The following MAPK8 variants were observed in gnomAD, a reference collection of about 807,000 sequenced individuals.
The protein encoded by MAPK8 is mitogen-activated protein kinase 8.
In MAPK8, 13 loss-of-function variants were observed where a neutral mutation model predicts 52.9. The ratio of observed to expected loss-of-function variants is 0.25; its 90% CI spans 0.16 to 0.39. The LOEUF is 0.39. Ranked by LOEUF, MAPK8 falls within the 10% of genes least tolerant of loss-of-function variation. The pLI is 1.00. For synonymous variants in MAPK8, 191 were observed against 169.8 expected, an observed-to-expected ratio of 1.12 and a Z score of -0.97; for missense variants, 300 against 519.2, an observed-to-expected ratio of 0.58 and a Z score of 4.10.
At chr10:48,422,018 T>C (rs1049393944) in intron 6 of MAPK8, among the ~76,000 whole-genome samples, 6 of 146,778 alleles carry the variant, frequency 4.1e-5, no homozygotes, top group Admixed American at 3.4e-4. Context: ...TATTTATTTA[T>C]TTATTTATTT....
chr10:48,325,063 C>A (rs1479629416), intron 1 of MAPK8, among the ~76,000 whole-genome samples: 1 of 152,044 alleles, frequency 6.6e-6, no homozygotes, highest in Non-Finnish European at 1.5e-5. Context: ...GCAACCTCCA[C>A]CTCCTGGGTT....
chr10:48,410,976 TTGTC>T lies in MAPK8; in HGVS notation c.450+810_450+813del, dbSNP rs569477973. Among the ~76,000 whole-genome samples the T allele has an allele frequency of 9.2e-5, 14 of 152,324 alleles. No homozygotes were observed. In the South Asian group the frequency reaches 2.9e-3, roughly 32 times the overall value. ...TTTGCTCATTTTTAAATTGGGTTGT[TTGTC>T]TTTTTGTTGTTGTTTTAGCATTTCT... is the stretch of plus-strand genomic sequence containing the variant. On this transcript the variant is annotated intron_variant, in intron 5 of 11. Transcript: ENST00000374189.
chr10:48,394,878 A>G (rs969806981), intron 1 of MAPK8, among the ~76,000 whole-genome samples: 6 of 151,948 alleles, frequency 3.9e-5, no homozygotes, highest in South Asian at 2.1e-4. Flanking sequence ...AATTCATTGC[A>G]TTTCTACATA....
intron 1 of MAPK8, among the ~76,000 whole-genome samples, chr10:48,357,035 T>A (rs1218475584): frequency 6.6e-6 from 1 of 152,052 alleles, no homozygotes; most frequent in African/African-American, 2.4e-5. Context: ...AACACTTCGA[T>A]GGGAAAATAC....
intron 1 of MAPK8, among the ~76,000 whole-genome samples, chr10:48,388,982 G>T (rs1044343991): frequency 6.6e-6 from 1 of 152,046 alleles, no homozygotes; most frequent in Non-Finnish European, 1.5e-5. Context: ...TTTTTGGGGG[G>T]AAAGGAGGAA....
chr10:48,333,957 C>T (rs1238961269), intron 1 of MAPK8, among the ~76,000 whole-genome samples: 2 of 152,176 alleles, frequency 1.3e-5, no homozygotes, highest in African/African-American at 2.4e-5. Flanking sequence ...TCTCCACCTC[C>T]TGGATCTCAG....
intron 2 of MAPK8, among the ~76,000 whole-genome samples, chr10:48,404,619 C>T (rs535138259): frequency 1.5e-4 from 23 of 152,222 alleles, no homozygotes; most frequent in African/African-American, 5.1e-4. Context: ...CATGCAGGGT[C>T]TCTGTTGGCA....
At chr10:48,393,963 A>G (rs1182560243) in intron 1 of MAPK8, among the ~76,000 whole-genome samples, 1 of 151,968 alleles carries the variant, frequency 6.6e-6, no homozygotes, top group Admixed American at 6.6e-5. Context: ...GAAGACACAA[A>G]TGAGATTAAT....
At chr10:48,351,731 T>C (rs2132441090) in intron 1 of MAPK8, among the ~76,000 whole-genome samples, 1 of 152,144 alleles carries the variant, frequency 6.6e-6, no homozygotes, top group East Asian at 1.9e-4. Flanking sequence ...ACACAAATCA[T>C]CAGGAGTAAA....
intron 1 of MAPK8, among the ~76,000 whole-genome samples, chr10:48,385,614 T>G (rs199535511): frequency 1.4e-5 from 2 of 141,766 alleles, no homozygotes; most frequent in East Asian, 1.9e-4. Flanking sequence ...AAAAAATGAG[T>G]TTTTTTTTTA....
intron 8 of MAPK8, 127 bp downstream of exon 8, chr10:48,426,197 G>A (rs2043671422): frequency 8.1e-6 from 8 of 986,352 alleles, no homozygotes; most frequent in Non-Finnish European, 1.1e-5. Flanking sequence ...GGATGGTGGG[G>A]AAAAAAATGA....
chr10:48,388,201 G>A (rs1236074707), intron 1 of MAPK8, among the ~76,000 whole-genome samples: 2 of 152,022 alleles, frequency 1.3e-5, no homozygotes, highest in African/African-American at 2.4e-5. Context: ...CTTACTAATC[G>A]TGTATTTGTT....
intron 2 of MAPK8, among the ~76,000 whole-genome samples, chr10:48,402,131 C>G (rs1208381053): frequency 6.6e-6 from 1 of 152,124 alleles, no homozygotes; most frequent in East Asian, 1.9e-4. Flanking sequence ...GATTCTCGAG[C>G]ATTTTAGATT....
intron 1 of MAPK8, among the ~76,000 whole-genome samples, chr10:48,318,510 T>TTTAC (rs1202182887): frequency 6.6e-6 from 1 of 152,154 alleles, no homozygotes; most frequent in African/African-American, 2.4e-5. Flanking sequence ...GCCACAGGGT[T>TTTAC]TGAGTAAGTT....
At chr10:48,359,046 C>T (rs952526070) in intron 1 of MAPK8, among the ~76,000 whole-genome samples, 32 of 152,106 alleles carry the variant, frequency 2.1e-4, no homozygotes, top group African/African-American at 1.7e-4. Context: ...ATGAGTCCTC[C>T]GGCTTTATCT....
In MAPK8 at chr10:48,380,779, G is replaced by A. The variant is rs1419058074; in HGVS notation, c.-49-20833G>A. 3.3e-5 allele frequency among the ~76,000 whole-genome samples: 5 copies of A among 152,222 alleles called. No homozygotes were observed. In the South Asian group the frequency reaches 6.2e-4, roughly 19 times the overall value. Reference sequence around the variant, plus strand: ...GTAAATTAAACAGATATCAAGATAAGAAAGGTTTGAAATGCTCAGTGTTAA... The same window carrying A: ...GTAAATTAAACAGATATCAAGATAAAAAAGGTTTGAAATGCTCAGTGTTAA... On this transcript the variant is annotated intron_variant, in intron 1 of 11. Transcript: ENST00000374189.
intron 1 of MAPK8, among the ~76,000 whole-genome samples, chr10:48,381,478 T>C (rs924441911): frequency 6.6e-6 from 1 of 152,194 alleles, no homozygotes; most frequent in African/African-American, 2.4e-5. Flanking sequence ...TTAACTACGA[T>C]TTTAACTCTT....
chr10:48,410,996 T>G (rs2042718444), intron 5 of MAPK8, among the ~76,000 whole-genome samples: 1 of 152,222 alleles, frequency 6.6e-6, no homozygotes, highest in African/African-American at 2.4e-5. Flanking sequence ...GTTGTTGTTT[T>G]AGCATTTCTT....
At chr10:48,330,269 A>C (rs1844004644) in intron 1 of MAPK8, among the ~76,000 whole-genome samples, 1 of 152,248 alleles carries the variant, frequency 6.6e-6, no homozygotes, top group Non-Finnish European at 1.5e-5. Flanking sequence ...AAGTATGCTA[A>C]GACTGCCATC....
Sources: gnomAD v4.1 joint callset for allele counts (sites outside exome capture counted in the v4.1 genomes callset) on GRCh38, gnomAD v4.1.1 for gene constraint, MANE v1.5 for transcripts, NCBI Gene and HGNC (gene_info 2026-07-23, HGNC 2026-07-21) for gene names.